RADIL: variants seen among roughly 807,000 people sequenced by gnomAD.
RADIL encodes the protein ras-associating and dilute domain-containing protein.
RADIL carries 99 observed loss-of-function variants against 97.6 expected under a neutral mutation model. The observed-to-expected ratio is 1.01, with a 90% CI of 0.86 to 1.20. RADIL has a LOEUF of 1.20. Among genes scored for constraint, RADIL ranks in the 50% most tolerant of loss-of-function variants. RADIL has a pLI of 0.00. For synonymous variants in RADIL, 803 were observed against 691.8 expected, an observed-to-expected ratio of 1.16 and a Z score of -2.52; for missense variants, 1,765 against 1,498.9, an observed-to-expected ratio of 1.18 and a Z score of -2.93.
Position 4,811,556 on chromosome 7 carries a change from C to A in RADIL, c.2139+3722G>T, listed in dbSNP as rs544053650. 3.0e-5 allele frequency among the ~76,000 whole-genome samples: 4 copies of A among 132,118 alleles called. No homozygotes were observed. In the Admixed American group the frequency reaches 3.5e-4, roughly 12 times the overall value. 86.7% of individuals were successfully genotyped at this position (132,118 alleles called of 152,430 possible). On this transcript the variant is annotated intron_variant, in intron 9 of 14. Coordinates refer to ENST00000399583, the MANE Select transcript of RADIL (RefSeq NM_018059.5). ...AGGCTGGAGTGCAGTGGCGCAATCT[C>A]GGCTCACTGCAAGCTCCGCCTCCCG...
At chr7:4,861,047 G>C (rs760580979) in intron 2 of RADIL, 2 of 1,614,202 alleles carry the variant, frequency 1.2e-6, no homozygotes, top group South Asian at 2.2e-5. Flanking sequence ...ACAAGTTCTT[G>C]CTACTAGCAT....
intron 2 of RADIL, chr7:4,865,906 T>A: frequency 1.6e-6 from 1 of 623,690 alleles, no homozygotes; most frequent in Non-Finnish European, 2.9e-6. Context: ...ACCTTTAGCA[T>A]TCAGTATACA....
chr7:4,802,131 C>T, intron 11 of RADIL, 136 bp from the exon 12 acceptor site: 1 of 701,940 alleles, frequency 1.4e-6, no homozygotes, highest in Non-Finnish European at 2.3e-6. Context: ...GCAGCCTGTG[C>T]AGCTTGAGAC....
chr7:4,860,830 T>C, intron 2 of RADIL: 1 of 1,614,176 alleles, frequency 6.2e-7, no homozygotes, highest in Non-Finnish European at 8.5e-7. Context: ...ACACGTTGTA[T>C]GTGGAGTTCT....
At chr7:4,807,803 CCT>C (rs559327173) in intron 9 of RADIL, among the ~76,000 whole-genome samples, 43 of 73,374 alleles carry the variant, frequency 5.9e-4, no homozygotes, top group African/African-American at 2.8e-3. Flanking sequence ...CCTCTCCCTC[CCT>C]CTCTCCTCCT....
rs375107574 is a variant in RADIL, at chr7:4,830,013, C to T, written c.1454+2128G>A. Among the ~76,000 whole-genome samples the T allele has an allele frequency of 1.1e-4, 17 of 152,324 alleles. No individual in the cohort carries two copies. In the East Asian group the frequency reaches 2.1e-3, roughly 19 times the overall value. ...GCTGCCAGCCACTCAGCCTGAGCCC[C>T]CCAGACACACCCCCTCCCTCACTGC... is the stretch of plus-strand genomic sequence containing the variant. On this transcript the variant is annotated intron_variant, in intron 5 of 14. Transcript: ENST00000399583.
rs746531621 is a variant in RADIL, at chr7:4,801,657, C to T, written c.2838G>A (p.Pro946=). ...TGAGCACCAGGCAGGGCTCACCTTC[C>T]GGAGCTGCACCCCGGAGGCCGCTGA... The part of the protein sequence containing the change: ...NGLSGLRGAA[P]EGDSAALAEE... Residue 946 remains proline (P), a synonymous_variant, in exon 12 of 15, where the codon CCG becomes CCA. Coordinates refer to ENST00000399583, the MANE Select transcript of RADIL (RefSeq NM_018059.5). The T allele has an allele frequency of 1.9e-5, 31 of 1,595,432 alleles. No homozygotes were observed. The highest frequency in any genetic ancestry group is 3.4e-5 in the South Asian group (3 of 88,598).
Position 4,803,664 on chromosome 7 carries a change from T to TCGTC in RADIL, c.2377_2380dup (p.Asp794GlyfsTer49). ...GTAGAGCAGGTGCTGGTAGATGCTG[T>TCGTC]CGTCCAGGCAGTTGGCTTCCAAGTC... On this transcript the variant is annotated frameshift_variant, in exon 11 of 15. Transcript: ENST00000399583. LOFTEE classifies it high-confidence loss of function. 6.4e-7 allele frequency: 1 copy of TCGTC among 1,552,822 alleles called. No homozygotes were observed. Among genetic ancestry groups the TCGTC allele is most frequent in the African/African-American group, 1.4e-5 (1 of 73,256 alleles).
chr7:4,825,896 A>G (rs1282235816), intron 5 of RADIL, among the ~76,000 whole-genome samples: 2 of 149,754 alleles, frequency 1.3e-5, no homozygotes, highest in Non-Finnish European at 3.0e-5. Flanking sequence ...AAAAAAAAAA[A>G]AAAAAAAAAA....
Position 4,822,349 on chromosome 7 carries a change from G to T in RADIL, c.1615+45C>A. On this transcript the variant is annotated intron_variant, in intron 6 of 14. Coordinates refer to ENST00000399583, the MANE Select transcript of RADIL (RefSeq NM_018059.5). This position sits in a 1 kb window ranked among gnomAD's most constrained non-coding sequence, Gnocchi z 5.3. ...CGGCGAGGAGATGCCACACTCCCCT[G>T]CCTGGGGTGCTGGCGGGGGGAATGG... The T allele has an allele frequency of 6.3e-7, 1 of 1,575,962 alleles. No homozygotes were observed. Among genetic ancestry groups the T allele is most frequent in the East Asian group, 2.3e-5 (1 of 44,154 alleles).
chr7:4,871,522 G>A (rs145171481), intron 2 of RADIL, among the ~76,000 whole-genome samples: 276 of 152,302 alleles, frequency 1.8e-3, no homozygotes, highest in African/African-American at 5.8e-3. Context: ...GGCACTCAGC[G>A]ACAACACAGA....
At chr7:4,851,268 G>A (rs1583306910) in intron 2 of RADIL, among the ~76,000 whole-genome samples, 1 of 152,208 alleles carries the variant, frequency 6.6e-6, no homozygotes, top group East Asian at 1.9e-4. Flanking sequence ...GGGTGCTACT[G>A]TAACAAATAC....
At chr7:4,861,735 G>C (rs755185810) in intron 2 of RADIL, 2 of 1,517,890 alleles carry the variant, frequency 1.3e-6, no homozygotes, top group Non-Finnish European at 1.8e-6. Context: ...AGACTGATAG[G>C]CGAGGAGACG....
rs1346039432 is a variant in RADIL at position 4,822,097 on chromosome 7, C to A, written c.1615+297G>T. 1.3e-5 allele frequency among the ~76,000 whole-genome samples: 2 copies of A among 151,982 alleles called. No individual in the cohort carries two copies. The highest frequency in any genetic ancestry group is 3.9e-4 in the East Asian group (2 of 5,146). On this transcript the variant is annotated intron_variant, in intron 6 of 14. Transcript: ENST00000399583. The surrounding 1 kb of genome is among the most constrained non-coding windows in gnomAD (Gnocchi z 5.3). ...TGTACCCCCCGGGCCCTCCTGCAAG[C>A]AGAAGAGTGGGGCTGCGGTCAAGGG...
chr7:4,800,005 C>T lies in RADIL; in HGVS notation c.2982+166G>A, dbSNP rs189167391. Reference sequence around the variant, plus strand: ...AGACAGCAGGCCCAGGGGGCGTGGCCGTTGGACAGGCTGGGTTCCCCTCCC... The same window carrying T: ...AGACAGCAGGCCCAGGGGGCGTGGCTGTTGGACAGGCTGGGTTCCCCTCCC... On this transcript the variant is annotated intron_variant, in intron 13 of 14. Transcript: ENST00000399583. 3.7e-3 allele frequency among the ~76,000 whole-genome samples: 556 copies of T among 152,324 alleles called. 1 individual carries two copies. The highest frequency in any genetic ancestry group is 6.9e-3 in the Non-Finnish European group (471 of 68,012).
chr7:4,817,190 C>T lies in RADIL; in HGVS notation c.1728+49G>A, dbSNP rs772938839. ...GCCACAGGCACAAGCTTGAGCCCCA[C>T]TTGATCCCAGGAGCTGCCTGAGTGC... On this transcript the variant is annotated intron_variant, in intron 7 of 14. Coordinates refer to ENST00000399583, the MANE Select transcript of RADIL (RefSeq NM_018059.5). This position sits in a 1 kb window ranked among gnomAD's most constrained non-coding sequence, Gnocchi z 8.3. 5 of 1,537,888 alleles carry T rather than the reference C, an allele frequency of 3.3e-6. No homozygotes were observed. The highest frequency in any genetic ancestry group is 1.2e-5 in the South Asian group (1 of 85,878).
intron 5 of RADIL, among the ~76,000 whole-genome samples, chr7:4,829,892 C>T (rs553000990): frequency 4.9e-4 from 74 of 152,256 alleles, no homozygotes; most frequent in African/African-American, 1.6e-3. Flanking sequence ...TACCCAGTCT[C>T]GGATATGTCT....
chr7:4,847,986 A>C lies in RADIL; in HGVS notation c.536-11381T>G, dbSNP rs573184697. Among the ~76,000 whole-genome samples, 162 of 152,140 alleles carry C rather than the reference A, an allele frequency of 1.1e-3. 1 individual carries two copies. The highest frequency in any genetic ancestry group is 2.0e-3 in the Non-Finnish European group (136 of 68,028). ...CGCAGCAGGCGGATCGCTTGAGCTCAGGAGTTCGAGACCAGCCTGGGTGAC... is the reference window on the plus strand; with the variant it reads ...CGCAGCAGGCGGATCGCTTGAGCTCCGGAGTTCGAGACCAGCCTGGGTGAC... On this transcript the variant is annotated intron_variant, in intron 2 of 14. Coordinates refer to ENST00000399583, the MANE Select transcript of RADIL (RefSeq NM_018059.5).
chr7:4,859,711 A>C, intron 2 of RADIL: 1 of 590,082 alleles, frequency 1.7e-6, no homozygotes, highest in Non-Finnish European at 3.0e-6. Context: ...CAGGAATTGG[A>C]TTTGCAGGGA....
Sources: allele counts gnomAD v4.1 joint callset (sites outside exome capture counted in the v4.1 genomes callset), GRCh38; gene constraint gnomAD v4.1.1; non-coding constraint Gnocchi (gnomAD v3.1); transcripts MANE v1.5; gene names NCBI Gene and HGNC (gene_info 2026-07-23, HGNC 2026-07-21).